Variants in PTPRT observed in about 807,000 individuals in gnomAD.
PTPRT encodes the protein receptor-type tyrosine-protein phosphatase T.
Under a neutral mutation model 176.8 loss-of-function variants are expected in PTPRT, and 56 were observed. The observed-to-expected ratio is 0.32, with a 90% CI of 0.26 to 0.40. The LOEUF (loss-of-function observed/expected upper bound fraction) is 0.40, where lower values mean the gene tolerates loss of function less well. PTPRT is among the 10% of genes least tolerant of loss of function. The pLI is 1.00. For missense variants in PTPRT, 1,540 were observed against 1,908.2 expected, an observed-to-expected ratio of 0.81 and a Z score of 3.60; for synonymous variants, 783 against 739.0, an observed-to-expected ratio of 1.06 and a Z score of -0.96.
intron 1 of PTPRT, among the ~76,000 whole-genome samples, chr20:43,139,967 A>G (rs1435167828): frequency 6.6e-6 from 1 of 152,224 alleles, no homozygotes; most frequent in African/African-American, 2.4e-5. Context: ...GCATGAAGAT[A>G]ATCCAGAAGT....
intron 1 of PTPRT, among the ~76,000 whole-genome samples, chr20:43,068,182 AGAG>A (rs1176730868): frequency 7.3e-6 from 1 of 136,566 alleles, no homozygotes; most frequent in East Asian, 2.3e-4. Flanking sequence ...GGAAGGAAGG[AGAG>A]GAGGAGAGGG....
intron 9 of PTPRT, among the ~76,000 whole-genome samples, chr20:42,413,991 C>T (rs1385854650): frequency 6.6e-6 from 1 of 152,110 alleles, no homozygotes; most frequent in African/African-American, 2.4e-5. Context: ...GCCACCATGC[C>T]CGGCTAATTT....
At chr20:42,072,018 C>T (rs1206307513), downstream of PTPRT, among the ~76,000 whole-genome samples, 1 of 152,172 alleles carries the variant, frequency 6.6e-6, no homozygotes, top group Non-Finnish European at 1.5e-5. Flanking sequence ...AGAATCCCTG[C>T]CCCTTGATTC....
At chr20:42,632,414 G>A (rs532782251) in intron 7 of PTPRT, among the ~76,000 whole-genome samples, 15 of 151,816 alleles carry the variant, frequency 9.9e-5, no homozygotes, top group African/African-American at 2.9e-4. Context: ...TAGTAGAGAT[G>A]GGATTTCACC....
At chr20:43,097,675 C>T (rs1299576318) in intron 1 of PTPRT, among the ~76,000 whole-genome samples, 3 of 152,160 alleles carry the variant, frequency 2.0e-5, no homozygotes, top group African/African-American at 4.8e-5. Flanking sequence ...ACACTGCACT[C>T]TCCTGACTCT....
intron 2 of PTPRT, among the ~76,000 whole-genome samples, chr20:42,818,385 G>A (rs1410098458): frequency 1.3e-5 from 2 of 151,998 alleles, no homozygotes; most frequent in East Asian, 1.9e-4. Context: ...CCATTCAAGG[G>A]TCAGCAGCCT....
intron 7 of PTPRT, among the ~76,000 whole-genome samples, chr20:42,565,408 A>C (rs13041399): frequency 0.24 from 35,762 of 152,024 alleles, 4,790 homozygotes; most frequent in African/African-American, 0.36. Context: ...AGACACCAGC[A>C]TCACACAGGA....
At chr20:42,797,741 G>A (rs920311415) in intron 2 of PTPRT, among the ~76,000 whole-genome samples, 2 of 152,168 alleles carry the variant, frequency 1.3e-5, no homozygotes, top group Non-Finnish European at 2.9e-5. Flanking sequence ...TGAGCACAAT[G>A]TAATCACAAG....
chr20:42,199,400 G>T lies in PTPRT; in HGVS notation c.2343-12C>A. On this transcript the variant is annotated splice_polypyrimidine_tract_variant and intron_variant, in intron 15 of 30. Transcript: ENST00000373187. ...TCTTGGCCAGCTTCCTTTGGGACAT[G>T]TGCAAGGGGAAAAAACCACAGTCAG... 1 of 1,611,760 alleles carries T rather than the reference G, an allele frequency of 6.2e-7. No individual in the cohort carries two copies. The highest frequency in any genetic ancestry group is 1.1e-5 in the South Asian group (1 of 90,668).
intron 1 of PTPRT, among the ~76,000 whole-genome samples, chr20:43,080,705 C>A (rs981558662): frequency 2.0e-5 from 3 of 152,206 alleles, no homozygotes; most frequent in African/African-American, 4.8e-5. Context: ...CTAGTTACCA[C>A]CAACAGGGCA....
At chr20:42,496,794 A>G (rs1452801882) in intron 7 of PTPRT, among the ~76,000 whole-genome samples, 1 of 152,128 alleles carries the variant, frequency 6.6e-6, no homozygotes, top group Non-Finnish European at 1.5e-5. Context: ...TTTTTGTATA[A>G]CGATGATGAC....
At chr20:43,110,037 T>C (rs181262235) in intron 1 of PTPRT, among the ~76,000 whole-genome samples, 2 of 152,242 alleles carry the variant, frequency 1.3e-5, no homozygotes, top group Admixed American at 1.3e-4. Context: ...TAAAGGAAAA[T>C]CTGAGCTTAT....
chr20:42,745,480 CT>C (rs1000339768), intron 6 of PTPRT, among the ~76,000 whole-genome samples: 7 of 152,302 alleles, frequency 4.6e-5, no homozygotes, highest in South Asian at 2.1e-4. Context: ...AGTACCCCCC[CT>C]CTCCCATCGT....
At chr20:43,046,675 T>C (rs1986853022) in intron 1 of PTPRT, among the ~76,000 whole-genome samples, 1 of 152,168 alleles carries the variant, frequency 6.6e-6, no homozygotes, top group South Asian at 2.1e-4. Flanking sequence ...GGAATCTCCC[T>C]GGACCCAAGG....
At chr20:43,076,531 T>C (rs952583004) in intron 1 of PTPRT, among the ~76,000 whole-genome samples, 2 of 152,170 alleles carry the variant, frequency 1.3e-5, no homozygotes, top group Non-Finnish European at 2.9e-5. Flanking sequence ...TGGTCCTTAA[T>C]TGGAGGAGAG....
At chr20:42,232,731 A>G (rs552506760) in intron 15 of PTPRT, among the ~76,000 whole-genome samples, 3 of 146,970 alleles carry the variant, frequency 2.0e-5, no homozygotes, top group African/African-American at 7.6e-5. Flanking sequence ...CCTTCTGCCC[A>G]GGCTCCTCCA....
intron 16 of PTPRT, among the ~76,000 whole-genome samples, chr20:42,183,641 C>A (rs929744091): frequency 5.9e-5 from 9 of 152,130 alleles, no homozygotes; most frequent in African/African-American, 2.2e-4. Context: ...TATATGTATT[C>A]TTTTATTTTA....
intron 7 of PTPRT, among the ~76,000 whole-genome samples, chr20:42,477,632 T>C (rs1335140541): frequency 6.6e-6 from 1 of 152,192 alleles, no homozygotes. Flanking sequence ...ATTGGTTTGT[T>C]GAATTTACAT....
intron 11 of PTPRT, among the ~76,000 whole-genome samples, chr20:42,342,517 A>C (rs1200142923): frequency 6.6e-6 from 1 of 152,242 alleles, no homozygotes; most frequent in East Asian, 1.9e-4. Context: ...AACTAAGTGA[A>C]TAAATGAGGT....
Sources: allele counts gnomAD v4.1 joint callset (sites outside exome capture counted in the v4.1 genomes callset), GRCh38; gene constraint gnomAD v4.1.1; transcripts MANE v1.5; gene names NCBI Gene and HGNC (gene_info 2026-07-23, HGNC 2026-07-21).